C1orf56: variants seen among roughly 807,000 people sequenced by gnomAD.
The protein encoded by C1orf56 is protein MENT.
C1orf56 carries 14 observed loss-of-function variants against 20.7 expected under a neutral mutation model. That is an observed-to-expected ratio of 0.68 (90% CI 0.45 to 1.06). C1orf56 has a LOEUF of 1.06. C1orf56 is among the 50% of genes least tolerant of loss of function. The pLI is 0.00. For missense variants in C1orf56, 424 were observed against 451.4 expected (o/e 0.94, Z 0.55); for synonymous variants, 187 against 194.7 (o/e 0.96, Z 0.33).
rs1408703843 is a variant in C1orf56, at chr1:151,047,757, C to G, written c.-91C>G. On this transcript the variant is annotated 5_prime_UTR_variant, in exon 1 of 2. Coordinates refer to ENST00000368926, the MANE Select transcript of C1orf56 (RefSeq NM_017860.5). ...TCCCCGCGGGCCTCGGTTCAAACGA[C>G]CCGGTGGGTCTACAGCGGAAGGGAG... 1 of 1,425,672 alleles carries G rather than the reference C, an allele frequency of 7.0e-7. No individual in the cohort carries two copies. The highest frequency in any genetic ancestry group is 9.1e-7 in the Non-Finnish European group (1 of 1,095,672). 88.3% of individuals were successfully genotyped at this position (1,425,672 alleles called of 1,614,324 possible).
rs1011784428 is a variant in C1orf56 at position 151,051,135 on chromosome 1, GAA to G, written c.*681_*682del. ...AGCTAAAGGCAAGAGAGCACCAAAGGAAAAAGACTGTCCAAAGAACAGGTATT... is the reference window on the plus strand; with the variant it reads ...AGCTAAAGGCAAGAGAGCACCAAAGGAAAGACTGTCCAAAGAACAGGTATT... On this transcript the variant is annotated 3_prime_UTR_variant, in exon 2 of 2. Transcript: ENST00000368926. 3 of 151,910 alleles carry G rather than the reference GAA, an allele frequency of 2.0e-5. No individual in the cohort carries two copies. Among genetic ancestry groups the G allele is most frequent in the African/African-American group, 7.3e-5 (3 of 41,372 alleles). The allele number at this position is 151,910 out of a possible 1,614,324, so 9.4% of individuals were successfully genotyped here. A position where few individuals can be genotyped will look rare whatever the true frequency, so the allele number is the denominator to read the frequency against.
At chr1:151,049,239 G>C (rs587614678) in intron 1 of C1orf56, among the ~76,000 whole-genome samples, 1 of 150,210 alleles carries the variant, frequency 6.7e-6, no homozygotes, top group East Asian at 2.0e-4. Flanking sequence ...TCAGCCTCTT[G>C]AGTAGCTGGG....
intron 1 of C1orf56, chr1:151,049,566 T>G (rs1362159296): frequency 6.6e-6 from 1 of 151,834 alleles, no homozygotes; most frequent in Non-Finnish European, 1.5e-5. Flanking sequence ...CCATAAGACT[T>G]TTTTTTCGAG....
rs376691895 is a variant in C1orf56, at chr1:151,048,096, C to T, written c.249C>T (p.Ala83=). Residue 83 remains alanine (A), a synonymous_variant, in exon 1 of 2, where the codon GCC becomes GCT. Transcript: ENST00000368926. The surrounding 1 kb of genome is among the most constrained non-coding windows in gnomAD (Gnocchi z 4.8). ...ACCGCCTGGCTGGACCAGCGGCTGC[C>T]GAGCTCTTGGCCGCCACGGTGTCCA... ...DADRLAGPAA[A]ELLAATVSTG... The T allele has an allele frequency of 1.2e-6, 2 of 1,613,362 alleles. No individual in the cohort carries two copies. Among genetic ancestry groups the T allele is most frequent in the African/African-American group, 1.3e-5 (1 of 74,942 alleles).
chr1:151,050,352 TGGGAG>T, intron 1 of C1orf56, 81 bp from the exon 2 acceptor site: 1 of 1,338,022 alleles, frequency 7.5e-7, no homozygotes, highest in African/African-American at 1.5e-5. Flanking sequence ...TATGGGTTTG[TGGGAG>T]GGGGAGATGA....
In C1orf56 at chr1:151,048,364, A is replaced by G. The variant is rs1276734905; in HGVS notation, c.517A>G (p.Ser173Gly). The part of the protein sequence containing the change: ...EDLPGSQATL[S>G]QWSTPGSTPS... ...CCTGCCAGGCTCGCAGGCCACCCTGAGCCAGTGGTCCACACCTGGGTCTAC... is the reference window on the plus strand; with the variant it reads ...CCTGCCAGGCTCGCAGGCCACCCTGGGCCAGTGGTCCACACCTGGGTCTAC... The change falls in exon 1 of 2, where the codon AGC becomes GGC. Residue 173 changes from serine to glycine, a missense_variant. Physicochemically the swap from Ser to Gly is moderately conservative, Grantham distance 56 (BLOSUM62 0). Coordinates refer to ENST00000368926, the MANE Select transcript of C1orf56 (RefSeq NM_017860.5). This position sits in a 1 kb window ranked among gnomAD's most constrained non-coding sequence, Gnocchi z 4.8. 1.9e-6 allele frequency: 3 copies of G among 1,613,422 alleles called. No homozygotes were observed. The highest frequency in any genetic ancestry group is 2.5e-6 in the Non-Finnish European group (3 of 1,179,952).
intron 1 of C1orf56, among the ~76,000 whole-genome samples, chr1:151,049,430 G>GT (rs1676131789): frequency 6.6e-6 from 1 of 151,626 alleles, no homozygotes; most frequent in Non-Finnish European, 1.5e-5. Flanking sequence ...GAAATTCTCT[G>GT]TTTTTTTCAC....
At position 151,048,596 on chromosome 1, in the gene C1orf56, A is replaced by G. The variant is rs1262725078; in HGVS notation, c.749A>G (p.Tyr250Cys). The G allele has an allele frequency of 1.9e-6, 3 of 1,614,114 alleles. No individual in the cohort carries two copies. The African/African-American group carries it at 4.0e-5, about 22-fold the overall frequency. Residue 250 changes from tyrosine (Y) to cysteine (C), a missense_variant, in exon 1 of 2, where the codon TAT becomes TGT. Coordinates refer to ENST00000368926, the MANE Select transcript of C1orf56 (RefSeq NM_017860.5). The surrounding 1 kb of genome is among the most constrained non-coding windows in gnomAD (Gnocchi z 4.8). ...QLRTEHKPCT[Y>C]QQCPCNRLRE... is the part of the protein sequence containing the mutation. ...CGCACGGAGCACAAGCCTTGCACCT[A>G]TCAACAATGTCCCTGCAACCGACTT... is the stretch of plus-strand genomic sequence containing the variant.
Position 151,048,816 on chromosome 1 carries a change from G to C in C1orf56, c.969G>C (p.Trp323Cys), listed in dbSNP as rs748430009. ...KRVRIGLEDI[W>C]NSLSSVFTEM... ...TCAGGATTGGCCTGGAGGATATTTGGAATAGCCTCTCTTCAGTGTTCACAG... is the reference window on the plus strand; with the variant it reads ...TCAGGATTGGCCTGGAGGATATTTGCAATAGCCTCTCTTCAGTGTTCACAG... The change falls in exon 1 of 2, where the codon TGG (tryptophan) becomes TGC (cysteine). Residue 323 changes from tryptophan (W) to cysteine (C), a missense_variant. By Grantham distance (215) the Trp-to-Cys change is radical. Transcript: ENST00000368926. The surrounding 1 kb of genome is among the most constrained non-coding windows in gnomAD (Gnocchi z 4.8). The C allele has an allele frequency of 6.3e-7, 1 of 1,594,182 alleles. No individual in the cohort carries two copies.
chr1:151,048,837 C>T lies in C1orf56; in HGVS notation c.990C>T (p.Phe330=). 6.4e-7 allele frequency: 1 copy of T among 1,558,836 alleles called. No individual in the cohort carries two copies. The highest frequency in any genetic ancestry group is 8.7e-7 in the Non-Finnish European group (1 of 1,151,522). The part of the protein sequence containing the change: ...EDIWNSLSSV[F]TEMQPIDRNQ... The stretch of plus-strand genomic sequence containing the variant: ...TTTGGAATAGCCTCTCTTCAGTGTT[C>T]ACAGAGATGCAACCAGTAAGTGTTT... Residue 330 remains phenylalanine, a synonymous_variant, in exon 1 of 2, where the codon TTC becomes TTT. Transcript: ENST00000368926. The surrounding 1 kb of genome is among the most constrained non-coding windows in gnomAD (Gnocchi z 4.8).
chr1:151,047,940 C>A lies in C1orf56; in HGVS notation c.93C>A (p.Thr31=). The A allele has an allele frequency of 6.2e-7, 1 of 1,613,276 alleles. No individual in the cohort carries two copies. The change falls in exon 1 of 2, where the codon ACC becomes ACA. Residue 31 remains threonine, a synonymous_variant. Transcript: ENST00000368926. ...CCCAAGGCCTGACCCAGACTCCGAC[C>A]GAAATGCAGCGGGTCAGTTTACGCT... ...AGAQGLTQTP[T]EMQRVSLRFG... is the part of the protein sequence containing the mutation.
chr1:151,048,183 G>T lies in C1orf56; in HGVS notation c.336G>T (p.Val112=). ...EEDGSSEEGV[V]INAGKDSTSR... is the part of the protein sequence containing the mutation. Reference sequence around the variant, plus strand: ...ATGGGTCTTCAGAAGAGGGGGTTGTGATTAATGCCGGAAAGGATAGCACCA... The same window carrying T: ...ATGGGTCTTCAGAAGAGGGGGTTGTTATTAATGCCGGAAAGGATAGCACCA... The change falls in exon 1 of 2, where the codon GTG becomes GTT. Residue 112 remains valine, a synonymous_variant. Transcript: ENST00000368926. This position sits in a 1 kb window ranked among gnomAD's most constrained non-coding sequence, Gnocchi z 4.8. The T allele has an allele frequency of 6.2e-7, 1 of 1,614,224 alleles. No individual in the cohort carries two copies. Among genetic ancestry groups the T allele is most frequent in the South Asian group, 1.1e-5 (1 of 91,090 alleles).
chr1:151,049,480 T>A (rs1676132885), intron 1 of C1orf56: 1 of 152,046 alleles, frequency 6.6e-6, no homozygotes, highest in African/African-American at 2.4e-5. Context: ...GGTCTTAAAC[T>A]CCTGGGCTCA....
In C1orf56 at chr1:151,048,151, G is replaced by T. The variant is rs1168065927; in HGVS notation, c.304G>T (p.Glu102Ter). Residue 102 changes from glutamate to a stop codon, truncating the protein, a stop_gained, in exon 1 of 2, where the codon GAG becomes TAG. Coordinates refer to ENST00000368926, the MANE Select transcript of C1orf56 (RefSeq NM_017860.5). LOFTEE classifies it high-confidence loss of function. The surrounding 1 kb of genome is among the most constrained non-coding windows in gnomAD (Gnocchi z 4.8). Reference sequence around the variant, plus strand: ...CTTTAGCCGGTCGTCCGCCATTAACGAGGAGGATGGGTCTTCAGAAGAGGG... The same window carrying T: ...CTTTAGCCGGTCGTCCGCCATTAACTAGGAGGATGGGTCTTCAGAAGAGGG... ...TGFSRSSAINEEDGSSEEGVV... is the reference protein window; with the variant it reads ...TGFSRSSAIN 6.2e-6 allele frequency: 10 copies of T among 1,614,030 alleles called. No individual in the cohort carries two copies. Among genetic ancestry groups the T allele is most frequent in the Non-Finnish European group, 8.5e-6 (10 of 1,180,042 alleles).
chr1:151,049,153 G>A (rs1676123853), intron 1 of C1orf56, among the ~76,000 whole-genome samples: 1 of 151,618 alleles, frequency 6.6e-6, no homozygotes, highest in African/African-American at 2.4e-5. Context: ...CACTCTTATT[G>A]CCGAGGCTGG....
At position 151,048,853 on chromosome 1, in the gene C1orf56, G is replaced by GT. The variant is rs1241317618; in HGVS notation, c.1005+2dup. 1.9e-5 allele frequency: 29 copies of GT among 1,539,616 alleles called. No homozygotes were observed. Among genetic ancestry groups the GT allele is most frequent in the Non-Finnish European group, 2.4e-5 (27 of 1,141,856 alleles). On this transcript the variant is annotated splice_donor_variant, in intron 1 of 1. Transcript: ENST00000368926. LOFTEE classifies it high-confidence loss of function. This position sits in a 1 kb window ranked among gnomAD's most constrained non-coding sequence, Gnocchi z 4.8. The stretch of plus-strand genomic sequence containing the variant: ...TTCAGTGTTCACAGAGATGCAACCA[G>GT]TAAGTGTTTGGTGATGAGCCAGGGT...
At position 151,049,119 on chromosome 1, in the gene C1orf56, T is replaced by A. The variant is rs587739011; in HGVS notation, c.1005+267T>A. Among the ~76,000 whole-genome samples, 23 of 150,714 alleles carry A rather than the reference T, an allele frequency of 1.5e-4. No individual in the cohort carries two copies. The South Asian group carries it at 2.1e-3, about 14-fold the overall frequency. ...ACCAAATAGTTAAGATTGGAAATAT[T>A]TTTTTTTTTCAAGACAAGAGTTTCA... On this transcript the variant is annotated intron_variant, in intron 1 of 1. Transcript: ENST00000368926.
At chr1:151,049,917 A>C (rs1676142704) in intron 1 of C1orf56, among the ~76,000 whole-genome samples, 1 of 152,268 alleles carries the variant, frequency 6.6e-6, no homozygotes, top group Non-Finnish European at 1.5e-5. Context: ...GCTTAACAGC[A>C]ACAAGTGCCA....
At chr1:151,050,119 C>A (rs891854630) in intron 1 of C1orf56, among the ~76,000 whole-genome samples, 48 of 152,362 alleles carry the variant, frequency 3.2e-4, no homozygotes, top group African/African-American at 1.2e-3. Flanking sequence ...TACTGTCCTT[C>A]CAGGACAAGG....
Sources: gnomAD v4.1 joint callset for allele counts (sites outside exome capture counted in the v4.1 genomes callset) on GRCh38, gnomAD v4.1.1 for gene constraint, Gnocchi (gnomAD v3.1) non-coding constraint, MANE v1.5 for transcripts, NCBI Gene and HGNC (gene_info 2026-07-23, HGNC 2026-07-21) for gene names.